TIA1: variants seen among roughly 807,000 people sequenced by gnomAD.
TIA1 encodes cytotoxic granule associated RNA binding protein TIA1.
TIA1 carries 23 observed loss-of-function variants against 65.9 expected under a neutral mutation model. That is an observed-to-expected ratio of 0.35 (90% CI 0.25 to 0.49). The LOEUF is 0.49. Among genes scored for constraint, TIA1 ranks in the 20% least tolerant of loss-of-function variants. The pLI is 0.98. For synonymous variants in TIA1, 147 were observed against 149.4 expected (o/e 0.98, Z 0.12); for missense variants, 371 against 477.9 (o/e 0.78, Z 2.09).
chr2:70,228,332 T>C, intron 5 of TIA1: 1 of 1,282,834 alleles, frequency 7.8e-7, no homozygotes, highest in Non-Finnish European at 1.0e-6. Context: ...TGAAGAACAA[T>C]CAAAGAAATA....
In TIA1 at chr2:70,246,168, C is replaced by G. The variant is rs533428224; in HGVS notation, c.26+2237G>C. ...TGAACTCCTGCCCTCAAGTGATCCACCCTCCTCAGCCCCCCAAAGTGTTAG... is the reference window on the plus strand; with the variant it reads ...TGAACTCCTGCCCTCAAGTGATCCAGCCTCCTCAGCCCCCCAAAGTGTTAG... On this transcript the variant is annotated intron_variant, in intron 1 of 12. Coordinates refer to ENST00000433529, the MANE Select transcript of TIA1 (RefSeq NM_022173.4). 3.2e-4 allele frequency among the ~76,000 whole-genome samples: 48 copies of G among 152,328 alleles called. No individual in the cohort carries two copies. The Middle Eastern group carries it at 0.02, about 65-fold the overall frequency.
At chr2:70,234,364 C>G (rs1280656858) in intron 2 of TIA1, among the ~76,000 whole-genome samples, 1 of 152,094 alleles carries the variant, frequency 6.6e-6, no homozygotes, top group African/African-American at 2.4e-5. Flanking sequence ...TCATCTTTCC[C>G]CATCTTTCCC....
At chr2:70,223,377 T>C (rs1431871804) in intron 7 of TIA1, among the ~76,000 whole-genome samples, 1 of 152,180 alleles carries the variant, frequency 6.6e-6, no homozygotes, top group Non-Finnish European at 1.5e-5. Flanking sequence ...GACATGTACA[T>C]GATTGAGCTT....
chr2:70,232,974 A>T (rs1327002104), intron 2 of TIA1, among the ~76,000 whole-genome samples: 1 of 152,208 alleles, frequency 6.6e-6, no homozygotes, highest in Non-Finnish European at 1.5e-5. Context: ...GCAGAAAAAA[A>T]TTCCAATTTT....
At chr2:70,216,098 G>A (rs1678526990) in intron 10 of TIA1, 110 bp downstream of exon 10, 2 of 1,026,558 alleles carry the variant, frequency 1.9e-6, no homozygotes, top group Non-Finnish European at 2.8e-6. Context: ...AAGAAAACGA[G>A]GTAAATGTTC....
chr2:70,241,850 G>C (rs4852454), intron 1 of TIA1, among the ~76,000 whole-genome samples: 4,017 of 151,562 alleles, frequency 0.027, 363 homozygotes, highest in Admixed American at 0.17. Context: ...AAGCTGAAGT[G>C]AACAATGATT....
At position 70,236,183 on chromosome 2, in the gene TIA1, A is replaced by G; in HGVS notation, c.27-8T>C. 6.5e-7 allele frequency: 1 copy of G among 1,548,244 alleles called. No individual in the cohort carries two copies. The highest frequency in any genetic ancestry group is 1.4e-5 in the African/African-American group (1 of 72,596). Reference sequence around the variant, plus strand: ...GAAAGGTTACCGACGTATCTGAAACACAAAGAGAAACAATTTACCTTTTTT... The same window carrying G: ...GAAAGGTTACCGACGTATCTGAAACGCAAAGAGAAACAATTTACCTTTTTT... On this transcript the variant is annotated splice_region_variant and splice_polypyrimidine_tract_variant and intron_variant, in intron 1 of 12. Transcript: ENST00000433529.
intron 1 of TIA1, among the ~76,000 whole-genome samples, chr2:70,242,405 G>A (rs1179282899): frequency 1.4e-5 from 2 of 140,396 alleles, no homozygotes; most frequent in Non-Finnish European, 3.0e-5. Context: ...GATGGTGGGC[G>A]AGAGAATCAC....
intron 5 of TIA1, 53 bp from the exon 6 acceptor site, chr2:70,227,875 A>T: frequency 8.3e-7 from 1 of 1,202,416 alleles, no homozygotes; most frequent in South Asian, 1.3e-5. Context: ...TTTAGAATTT[A>T]AAAAGTACTA....
intron 3 of TIA1, among the ~76,000 whole-genome samples, chr2:70,229,807 G>T (rs1685357331): frequency 6.6e-6 from 1 of 151,970 alleles, no homozygotes; most frequent in African/African-American, 2.4e-5. Flanking sequence ...GCATGATGGT[G>T]GGTGCCTGTC....
rs141339704 is a variant in TIA1 at position 70,222,602 on chromosome 2, T to C, written c.474+1952A>G. Among the ~76,000 whole-genome samples, 244 of 152,310 alleles carry C rather than the reference T, an allele frequency of 1.6e-3. 2 individuals carry two copies. Among genetic ancestry groups the C allele is most frequent in the African/African-American group, 5.1e-3 (211 of 41,582 alleles). On this transcript the variant is annotated intron_variant, in intron 7 of 12. Transcript: ENST00000433529. ...GTTGAAATTTATAGATTTAAATTTATAGAAGATTTTATAGAAGATTATATT... is the reference window on the plus strand; with the variant it reads ...GTTGAAATTTATAGATTTAAATTTACAGAAGATTTTATAGAAGATTATATT...
Position 70,248,601 on chromosome 2 carries a change from C to T in TIA1, c.-171G>A. The T allele has an allele frequency of 1.1e-6, 1 of 907,062 alleles. No individual in the cohort carries two copies. The highest frequency in any genetic ancestry group is 1.7e-6 in the Non-Finnish European group (1 of 582,914). 56.2% of individuals were successfully genotyped at this position (907,062 alleles called of 1,614,324 possible). On this transcript the variant is annotated 5_prime_UTR_variant, in exon 1 of 13. Transcript: ENST00000433529. Reference sequence around the variant, plus strand: ...ACTAAACCGCCCGGCCCAGCGGGAACAATGAAACCCCAATACAAGATGGCG... The same window carrying T: ...ACTAAACCGCCCGGCCCAGCGGGAATAATGAAACCCCAATACAAGATGGCG...
chr2:70,228,655 A>G (rs529658938), intron 5 of TIA1: 2 of 985,482 alleles, frequency 2.0e-6, no homozygotes, highest in East Asian at 1.1e-4. Context: ...TTGACAAAGC[A>G]TATTTGGAAA....
At chr2:70,246,121 G>A (rs1380205834) in intron 1 of TIA1, among the ~76,000 whole-genome samples, 3 of 151,924 alleles carry the variant, frequency 2.0e-5, no homozygotes, top group Non-Finnish European at 4.4e-5. Flanking sequence ...ACAGGGTTTC[G>A]CCATGTTGGC....
intron 1 of TIA1, among the ~76,000 whole-genome samples, chr2:70,236,496 GT>G (rs372445208): frequency 2.1e-4 from 31 of 146,368 alleles, no homozygotes; most frequent in Non-Finnish European, 2.4e-4. Context: ...ACTGCACCCG[GT>G]TTTTTTTTTT....
chr2:70,232,539 TCAAAAAAAAAAA>T, intron 2 of TIA1, among the ~76,000 whole-genome samples: 1 of 32,508 alleles, frequency 3.1e-5, no homozygotes, highest in Non-Finnish European at 5.0e-5. Flanking sequence ...AAACTCTGTC[TCAAAAAAAAAAA>T]AAAAAAAAAA....
Position 70,210,265 on chromosome 2 carries a change from T to C in TIA1, c.*2454A>G. On this transcript the variant is annotated 3_prime_UTR_variant, in exon 13 of 13. Coordinates refer to ENST00000433529, the MANE Select transcript of TIA1 (RefSeq NM_022173.4). ...TTCAGGGTAAAGAATACTGGATTAA[T>C]CACCCATTAAGTGTAAATCACTTCA... is the stretch of plus-strand genomic sequence containing the variant. 6.6e-6 allele frequency: 1 copy of C among 152,246 alleles called. No homozygotes were observed. The highest frequency in any genetic ancestry group is 1.9e-4 in the East Asian group (1 of 5,202). The allele number at this position is 152,246 out of a possible 1,614,324, so 9.4% of individuals were successfully genotyped here. A position where few individuals can be genotyped will look rare whatever the true frequency, so the allele number is the denominator to read the frequency against.
intron 5 of TIA1, chr2:70,228,213 A>T (rs1684634942): frequency 1.5e-6 from 1 of 656,548 alleles, no homozygotes; most frequent in South Asian, 2.4e-5. Flanking sequence ...AGGCTTTACA[A>T]ATTAAAATAA....
intron 1 of TIA1, among the ~76,000 whole-genome samples, chr2:70,247,120 A>G (rs1240467913): frequency 6.6e-6 from 1 of 152,306 alleles, no homozygotes; most frequent in Admixed American, 6.5e-5. Flanking sequence ...TTTAGGGAGT[A>G]TTCATCTACA....
Sources: gnomAD v4.1 joint callset for allele counts (sites outside exome capture counted in the v4.1 genomes callset) on GRCh38, gnomAD v4.1.1 for gene constraint, MANE v1.5 for transcripts, NCBI Gene and HGNC (gene_info 2026-07-23, HGNC 2026-07-21) for gene names.